USP26: variants seen among roughly 807,000 people sequenced by gnomAD.
The protein encoded by USP26 is ubiquitin specific peptidase 26.
For missense variants in USP26, 649 were observed against 642.3 expected (o/e 1.01, Z -0.11); for synonymous variants, 236 against 240.6 (o/e 0.98, Z 0.18).
chrX:133,084,753 T>C (rs1169721584), intron 4 of USP26, among the ~76,000 whole-genome samples: 4 of 111,194 alleles, frequency 3.6e-5, no homozygotes, highest in Non-Finnish European at 3.8e-5. Flanking sequence ...AATTTTTTTA[T>C]TTCCATAGGT....
Position 133,089,374 on chromosome X carries a change from A to G in USP26, c.-142+739T>C, listed in dbSNP as rs778892323. ...TGACTTTTTACAGGCGAGGAAAGAA[A>G]TTTCTAGGACTGCTAGTTAATAGGC... is the stretch of plus-strand genomic sequence containing the variant. On this transcript the variant is annotated intron_variant, in intron 4 of 5. Transcript: ENST00000511190. Among the ~76,000 whole-genome samples the G allele has an allele frequency of 7.1e-5, 8 of 111,985 alleles. 1 individual carries two copies. The Middle Eastern group carries it at 0.014, about 194-fold the overall frequency.
In USP26 at chrX:133,024,261, T is replaced by A. The variant is rs757773604; in HGVS notation, c.*1218A>T. Among the ~76,000 whole-genome samples the A allele has an allele frequency of 9.3e-6, 1 of 107,880 alleles. No homozygotes were observed. The highest frequency in any genetic ancestry group is 1.0e-4 in the Admixed American group (1 of 10,014). 93.7% of individuals were successfully genotyped at this position (107,880 alleles called of 115,157 possible). On this transcript the variant is annotated 3_prime_UTR_variant, in exon 6 of 6. Coordinates refer to ENST00000511190, the MANE Select transcript of USP26 (RefSeq NM_031907.3). ...CATTGAAGAAACAAGACCACCACAC[T>A]ATAAGGTACAGAGATGTAAAAAAAA... is the stretch of plus-strand genomic sequence containing the variant.
chrX:133,025,549 T>C lies in USP26; in HGVS notation c.2672A>G (p.Glu891Gly), dbSNP rs774952588. The change falls in exon 6 of 6, where the codon GAG becomes GGG. Residue 891 changes from glutamate (E) to glycine (G), a missense_variant. Transcript: ENST00000511190. The stretch of plus-strand genomic sequence containing the variant: ...GGCATTCTCTTCTCTTTTCAACATC[T>C]CTTCAAAGATCTCATTATGCATGTA... ...FFYMHNEIFE[E>G]MLKREENAQL... 4.1e-6 allele frequency: 5 copies of C among 1,211,072 alleles called. No homozygotes were observed. The South Asian group carries it at 8.8e-5, about 21-fold the overall frequency.
chrX:133,095,051 T>A (rs1257174088), intron 1 of USP26, among the ~76,000 whole-genome samples: 1 of 92,331 alleles, frequency 1.1e-5, no homozygotes, highest in Non-Finnish European at 2.0e-5. Context: ...GCTGGGATCG[T>A]GCCACTGCGC....
rs745370903 is a variant in USP26, at chrX:133,026,951, C to A, written c.1270G>T (p.Asp424Tyr). 3 of 1,211,274 alleles carry A rather than the reference C, an allele frequency of 2.5e-6. No individual in the cohort carries two copies. Among genetic ancestry groups the A allele is most frequent in the East Asian group, 5.9e-5 (2 of 33,823 alleles). ...CAAGAAAACCCACTGGTGTCAGGAT[C>A]ATCAGCAAAAACCTGTTTAGGAAAA... ...DNFPKQVFADDPDTSGFSCPV... is the reference protein window; with the variant it reads ...DNFPKQVFADYPDTSGFSCPV... Residue 424 changes from aspartate (D) to tyrosine (Y), a missense_variant, in exon 6 of 6, where the codon GAT (aspartate) becomes TAT (tyrosine). Physicochemically the swap from Asp to Tyr is radical, Grantham distance 160. Transcript: ENST00000511190.
At chrX:133,070,469 T>C (rs1422860542) in intron 5 of USP26, among the ~76,000 whole-genome samples, 3 of 111,741 alleles carry the variant, frequency 2.7e-5, no homozygotes, top group Admixed American at 9.5e-5. Flanking sequence ...TCCAGTCTTG[T>C]ATGTCTGCAT....
chrX:133,062,334 T>A (rs1180965413), intron 5 of USP26, among the ~76,000 whole-genome samples: 3 of 111,679 alleles, frequency 2.7e-5, no homozygotes, highest in East Asian at 2.9e-4. Context: ...GACTTAAACA[T>A]CTCTGCCTGC....
chrX:133,092,351 A>T lies in USP26; in HGVS notation c.-392-908T>A, dbSNP rs778438019. 3.6e-5 allele frequency among the ~76,000 whole-genome samples: 4 copies of T among 112,124 alleles called. No individual in the cohort carries two copies. The South Asian group carries it at 1.1e-3, about 31-fold the overall frequency. Reference sequence around the variant, plus strand: ...AGACTCATACAGGATCACAGATAACAAATTTTTGAAATCGGAGGTTTGAGT... The same window carrying T: ...AGACTCATACAGGATCACAGATAACTAATTTTTGAAATCGGAGGTTTGAGT... On this transcript the variant is annotated intron_variant, in intron 1 of 5. Coordinates refer to ENST00000511190, the MANE Select transcript of USP26 (RefSeq NM_031907.3).
rs142932858 is a variant in USP26 at position 133,065,555 on chromosome X, G to T, written c.-77+18152C>A. Among the ~76,000 whole-genome samples the T allele has an allele frequency of 3.6e-5, 4 of 112,102 alleles. No individual in the cohort carries two copies. The East Asian group carries it at 1.1e-3, about 31-fold the overall frequency. Reference sequence around the variant, plus strand: ...GATCACATCAGCTTCACCCTGGGATGCAAGGCTAGTTCAATATACCCAAAA... The same window carrying T: ...GATCACATCAGCTTCACCCTGGGATTCAAGGCTAGTTCAATATACCCAAAA... On this transcript the variant is annotated intron_variant, in intron 5 of 5. Coordinates refer to ENST00000511190, the MANE Select transcript of USP26 (RefSeq NM_031907.3).
chrX:133,096,787 C>A (rs769407590), intron 1 of USP26, among the ~76,000 whole-genome samples: 5 of 111,303 alleles, frequency 4.5e-5, no homozygotes, highest in Non-Finnish European at 7.5e-5. Context: ...CCCAGTTACT[C>A]AGGAGGATGA....
intron 4 of USP26, among the ~76,000 whole-genome samples, chrX:133,085,422 G>T (rs2067585343): frequency 8.9e-6 from 1 of 111,915 alleles, no homozygotes. Flanking sequence ...ATAGAAATAT[G>T]AACAGGACAT....
chrX:133,036,186 C>A (rs1393990858), intron 5 of USP26, among the ~76,000 whole-genome samples: 7 of 109,670 alleles, frequency 6.4e-5, no homozygotes, highest in Non-Finnish European at 1.3e-4. Context: ...TCTTTAAGTT[C>A]TGGGATACAT....
chrX:133,083,955 G>A (rs1200647922), intron 4 of USP26, among the ~76,000 whole-genome samples, 184 bp from the exon 5 acceptor site: 1 of 111,691 alleles, frequency 9.0e-6, no homozygotes, highest in Admixed American at 9.5e-5. Context: ...ATCACCAGAA[G>A]GACCCATGCA....
At chrX:133,088,371 A>T (rs2067596583) in intron 4 of USP26, among the ~76,000 whole-genome samples, 1 of 111,223 alleles carries the variant, frequency 9.0e-6, no homozygotes, top group South Asian at 3.9e-4. Flanking sequence ...GGAGTGTGCA[A>T]CCTAGATCCC....
intron 5 of USP26, among the ~76,000 whole-genome samples, chrX:133,043,363 T>C (rs779030844): frequency 3.1e-4 from 35 of 112,530 alleles, no homozygotes; most frequent in Non-Finnish European, 6.0e-4. Flanking sequence ...TCCCTCACAC[T>C]GTTTGTGTAA....
intron 5 of USP26, among the ~76,000 whole-genome samples, chrX:133,047,939 C>A (rs1050201701): frequency 2.2e-4 from 25 of 111,931 alleles, no homozygotes; most frequent in Middle Eastern, 4.2e-3. Context: ...TTATAGCAGA[C>A]CAAACAGACC....
intron 5 of USP26, among the ~76,000 whole-genome samples, chrX:133,080,615 C>A (rs1479676126): frequency 9.0e-6 from 1 of 111,293 alleles, no homozygotes; most frequent in African/African-American, 3.3e-5. Context: ...CAAAAGAAAT[C>A]CACAAAAAAG....
intron 4 of USP26, among the ~76,000 whole-genome samples, chrX:133,089,590 G>A (rs948493123): frequency 8.9e-6 from 1 of 111,818 alleles, no homozygotes; most frequent in African/African-American, 3.2e-5. Flanking sequence ...TGCAATACCT[G>A]AGAAAGGAAA....
chrX:133,091,729 G>A (rs144640874), intron 1 of USP26, among the ~76,000 whole-genome samples: 3,759 of 111,307 alleles, frequency 0.034, 97 homozygotes, highest in East Asian at 0.1. Flanking sequence ...GGGTTTCAAT[G>A]CCATCATTAA....
Sources: gnomAD v4.1 joint callset for allele counts (sites outside exome capture counted in the v4.1 genomes callset) on GRCh38, gnomAD v4.1.1 for gene constraint, MANE v1.5 for transcripts, NCBI Gene and HGNC (gene_info 2026-07-23, HGNC 2026-07-21) for gene names.